The following TRAF5 variants were observed in gnomAD, a reference collection of about 807,000 sequenced individuals.
TRAF5 encodes the protein TNF receptor associated factor 5, also known as TNF receptor-associated factor 5.
A neutral mutation model predicts 64.5 loss-of-function variants in TRAF5; 48 were observed. The observed-to-expected ratio is 0.74, with a 90% CI of 0.59 to 0.95. The LOEUF (loss-of-function observed/expected upper bound fraction) is 0.95, where lower values mean the gene tolerates loss of function less well. Ranked by LOEUF, TRAF5 falls within the 40% of genes least tolerant of loss-of-function variation. TRAF5 has a pLI of 0.00. For missense variants in TRAF5, 545 were observed against 662.8 expected, an observed-to-expected ratio of 0.82 and a Z score of 1.95; for synonymous variants, 206 against 240.5, an observed-to-expected ratio of 0.86 and a Z score of 1.33.
At chr1:211,360,898 C>T (rs2102757304) in intron 6 of TRAF5, 119 bp downstream of exon 6, 1 of 1,015,058 alleles carries the variant, frequency 9.9e-7, no homozygotes, top group East Asian at 2.5e-5. Flanking sequence ...ACACGCATGA[C>T]CATGACGTAT....
chr1:211,344,463 T>A (rs909056337), intron 1 of TRAF5, among the ~76,000 whole-genome samples: 1 of 152,248 alleles, frequency 6.6e-6, no homozygotes, highest in Non-Finnish European at 1.5e-5. Context: ...GAACAGTGCG[T>A]CGGTGGACTG....
rs1205051875 is a variant in TRAF5, at chr1:211,353,247, A to G, written c.8A>G (p.Tyr3Cys). 1.2e-6 allele frequency: 2 copies of G among 1,614,108 alleles called. No individual in the cohort carries two copies. Among genetic ancestry groups the G allele is most frequent in the Admixed American group, 1.7e-5 (1 of 60,010 alleles). The change falls in exon 2 of 11, where the codon TAT becomes TGT. Residue 3 changes from tyrosine to cysteine, a missense_variant. Tyr to Cys is a radical substitution (Grantham distance 194). Transcript: ENST00000261464. MA[Y>C]SEEHKGMPCG... ...TCCCCTGACCTCTGCAGAATGGCTTATTCAGAAGAGCATAAAGGTATGCCC... is the reference window on the plus strand; with the variant it reads ...TCCCCTGACCTCTGCAGAATGGCTTGTTCAGAAGAGCATAAAGGTATGCCC...
At chr1:211,369,822 A>ATGTG (rs139123011) in intron 9 of TRAF5, among the ~76,000 whole-genome samples, 5 of 151,004 alleles carry the variant, frequency 3.3e-5, no homozygotes, top group Non-Finnish European at 7.4e-5. Context: ...CCCGACGTGT[A>ATGTG]TGTGTGTGTG....
intron 1 of TRAF5, among the ~76,000 whole-genome samples, chr1:211,332,323 A>T (rs559813023): frequency 6.6e-6 from 1 of 152,236 alleles, no homozygotes; most frequent in Non-Finnish European, 1.5e-5. Flanking sequence ...GCCAGATCCA[A>T]TGTGAAGGCA....
intron 1 of TRAF5, among the ~76,000 whole-genome samples, chr1:211,335,829 AGAGGT>A (rs1469033220): frequency 6.6e-6 from 1 of 152,178 alleles, no homozygotes; most frequent in Non-Finnish European, 1.5e-5. Context: ...GGAATCCAGG[AGAGGT>A]GGAGGACAGG....
chr1:211,336,882 C>T (rs564383926), intron 1 of TRAF5, among the ~76,000 whole-genome samples: 1 of 152,362 alleles, frequency 6.6e-6, no homozygotes, highest in South Asian at 2.1e-4. Flanking sequence ...TGGTGTCAAA[C>T]TCCAGACCTC....
rs1359845161 is a variant in TRAF5 at position 211,372,813 on chromosome 1, T to A, written c.*111T>A. On this transcript the variant is annotated 3_prime_UTR_variant, in exon 11 of 11. Coordinates refer to ENST00000261464, the MANE Select transcript of TRAF5 (RefSeq NM_001033910.3). ...GACTCAAAGCACATTTGTATTTGCCTTTTTCCTTAACGTTTGAAGTCAGTT... is the reference window on the plus strand; with the variant it reads ...GACTCAAAGCACATTTGTATTTGCCATTTTCCTTAACGTTTGAAGTCAGTT... The A allele has an allele frequency of 2.0e-6, 2 of 1,007,376 alleles. No homozygotes were observed. The allele number at this position is 1,007,376 out of a possible 1,614,324, so 62.4% of individuals were successfully genotyped here. A position where few individuals can be genotyped will look rare whatever the true frequency, so the allele number is the denominator to read the frequency against.
intron 1 of TRAF5, among the ~76,000 whole-genome samples, chr1:211,333,451 C>T (rs549022275): frequency 2.0e-5 from 3 of 152,128 alleles, no homozygotes; most frequent in African/African-American, 7.2e-5. Context: ...CCACTCCCCA[C>T]TAGGCCTCCC....
At chr1:211,335,117 C>T (rs1342008548) in intron 1 of TRAF5, among the ~76,000 whole-genome samples, 1 of 152,172 alleles carries the variant, frequency 6.6e-6, no homozygotes, top group Non-Finnish European at 1.5e-5. Context: ...CCCCCATAAT[C>T]GAGCACCTCC....
chr1:211,370,522 G>A (rs893781521), intron 9 of TRAF5, among the ~76,000 whole-genome samples: 1 of 152,058 alleles, frequency 6.6e-6, no homozygotes, highest in African/African-American at 2.4e-5. Flanking sequence ...ATGGAGTTAT[G>A]TCCTGATAAA....
intron 10 of TRAF5, 30 bp from the exon 11 acceptor site, chr1:211,372,098 A>C: frequency 7.6e-7 from 1 of 1,314,612 alleles, no homozygotes; most frequent in Non-Finnish European, 1.0e-6. Context: ...GGCCTATGGA[A>C]TCTTTTTTTT....
chr1:211,371,248 T>G, intron 9 of TRAF5, 54 bp from the exon 10 acceptor site: 1 of 1,490,046 alleles, frequency 6.7e-7, no homozygotes, highest in Non-Finnish European at 8.9e-7. Flanking sequence ...TCTCAATGAA[T>G]TGCTAAAATA....
chr1:211,344,392 G>A (rs1358170331), intron 1 of TRAF5, among the ~76,000 whole-genome samples: 10 of 152,316 alleles, frequency 6.6e-5, no homozygotes, highest in African/African-American at 2.2e-4. Flanking sequence ...ATAAGGAAAA[G>A]CAAAGAAAAC....
intron 1 of TRAF5, among the ~76,000 whole-genome samples, chr1:211,352,724 C>T (rs1013981721): frequency 9.2e-5 from 14 of 152,126 alleles, no homozygotes; most frequent in Non-Finnish European, 2.1e-4. Flanking sequence ...TCTCATAGTT[C>T]TGGAGGCTGG....
At chr1:211,341,152 T>A (rs1702438512) in intron 1 of TRAF5, among the ~76,000 whole-genome samples, 2 of 152,070 alleles carry the variant, frequency 1.3e-5, no homozygotes, top group Non-Finnish European at 2.9e-5. Context: ...GCCTTTCCAA[T>A]GAGGAGAAGC....
intron 3 of TRAF5, among the ~76,000 whole-genome samples, chr1:211,354,754 T>C (rs1191394995): frequency 6.6e-6 from 1 of 152,260 alleles, no homozygotes; most frequent in Non-Finnish European, 1.5e-5. Flanking sequence ...GGTTTTGATT[T>C]GCATTTTCCT....
intron 1 of TRAF5, among the ~76,000 whole-genome samples, chr1:211,347,809 T>C (rs1310179573): frequency 6.6e-6 from 1 of 152,256 alleles, no homozygotes; most frequent in Non-Finnish European, 1.5e-5. Flanking sequence ...AGGAAGTCAC[T>C]TAATGGACTC....
chr1:211,353,188 G>A lies in TRAF5; in HGVS notation c.-1-51G>A, dbSNP rs569645662. The A allele has an allele frequency of 2.5e-5, 38 of 1,525,236 alleles. 2 individuals are homozygous for A. The South Asian group carries it at 3.8e-4, about 15-fold the overall frequency. 94.5% of individuals were successfully genotyped at this position (1,525,236 alleles called of 1,614,324 possible). ...ACCAAAGCATCTGATGGCTGTGGTTGTTTCAGTGTTTGCACACTTAATTTT... is the reference window on the plus strand; with the variant it reads ...ACCAAAGCATCTGATGGCTGTGGTTATTTCAGTGTTTGCACACTTAATTTT... On this transcript the variant is annotated intron_variant, in intron 1 of 10. Coordinates refer to ENST00000261464, the MANE Select transcript of TRAF5 (RefSeq NM_001033910.3).
Position 211,372,233 on chromosome 1 carries a change from A to G in TRAF5, c.1205A>G (p.Tyr402Cys), listed in dbSNP as rs1181006274. 5.0e-6 allele frequency: 8 copies of G among 1,613,982 alleles called. No homozygotes were observed. The highest frequency in any genetic ancestry group is 3.3e-5 in the Admixed American group (2 of 59,998). ...ERFKLLEGTC[Y>C]NGKLIWKVTD... ...TTTAAACTGCTGGAGGGTACTTGCTATAATGGAAAGCTCATTTGGAAGGTG... is the reference window on the plus strand; with the variant it reads ...TTTAAACTGCTGGAGGGTACTTGCTGTAATGGAAAGCTCATTTGGAAGGTG... The change falls in exon 11 of 11, where the codon TAT (tyrosine) becomes TGT (cysteine). Residue 402 changes from tyrosine to cysteine, a missense_variant. Coordinates refer to ENST00000261464, the MANE Select transcript of TRAF5 (RefSeq NM_001033910.3).
Sources: gnomAD v4.1 joint callset for allele counts (sites outside exome capture counted in the v4.1 genomes callset) on GRCh38, gnomAD v4.1.1 for gene constraint, MANE v1.5 for transcripts, NCBI Gene and HGNC (gene_info 2026-07-23, HGNC 2026-07-21) for gene names.